RCHY1: variants seen among roughly 807,000 people sequenced by gnomAD.
The protein encoded by RCHY1 is RING finger and CHY zinc finger domain-containing protein 1.
Under a neutral mutation model 41.6 loss-of-function variants are expected in RCHY1, and 21 were observed. That is an observed-to-expected ratio of 0.51 (90% CI 0.36 to 0.73). The LOEUF (loss-of-function observed/expected upper bound fraction) is 0.73, where lower values mean the gene tolerates loss of function less well. RCHY1 is among the 30% of genes least tolerant of loss of function. The probability of loss-of-function intolerance (pLI) is 0.00; values close to 1 mark genes in which losing one functional copy is unlikely to be tolerated. For synonymous variants in RCHY1, 79 were observed against 102.9 expected (o/e 0.77, Z 1.41); for missense variants, 265 against 325.3 (o/e 0.81, Z 1.43).
At chr4:75,514,536 T>C, upstream of RCHY1, 2 of 412,102 alleles carry the variant, frequency 4.9e-6, no homozygotes, top group Non-Finnish European at 8.8e-6. Context: ...AACTCTTAGG[T>C]TGCCTGTTTT....
intron 8 of RCHY1, among the ~76,000 whole-genome samples, chr4:75,487,771 T>TA (rs1277928840): frequency 3.9e-4 from 28 of 72,454 alleles, no homozygotes; most frequent in African/African-American, 2.0e-3. Context: ...TATATATTCA[T>TA]ATATATATTC....
At chr4:75,501,481 A>G (rs114950888) in intron 3 of RCHY1, among the ~76,000 whole-genome samples, 78 of 152,340 alleles carry the variant, frequency 5.1e-4, no homozygotes, top group African/African-American at 1.8e-3. Flanking sequence ...TCAGTATGCC[A>G]TATGCACTCA....
At position 75,491,766 on chromosome 4, in the gene RCHY1, C is replaced by A. The variant is rs1280152184; in HGVS notation, c.467G>T (p.Arg156Leu). 1.2e-6 allele frequency: 2 copies of A among 1,612,774 alleles called. No individual in the cohort carries two copies. The highest frequency in any genetic ancestry group is 2.2e-5 in the East Asian group (1 of 44,814). ...ACATGGCAAGACATGAGCAACAACA[C>A]GGGATGTGTGAATGTCCTGTAAATG... ...PICLEDIHTS[R>L]VVAHVLPCGH... The change falls in exon 6 of 9, where the codon CGT becomes CTT. Residue 156 changes from arginine to leucine, a missense_variant. Coordinates refer to ENST00000324439, the MANE Select transcript of RCHY1 (RefSeq NM_015436.4).
intron 8 of RCHY1, among the ~76,000 whole-genome samples, chr4:75,486,496 C>G (rs1387969365): frequency 6.6e-6 from 1 of 151,548 alleles, no homozygotes; most frequent in Non-Finnish European, 1.5e-5. Context: ...AAACATCCTT[C>G]CAAAAAATTA....
intron 8 of RCHY1, among the ~76,000 whole-genome samples, chr4:75,484,183 C>T (rs903577531): frequency 2.0e-5 from 3 of 152,114 alleles, no homozygotes; most frequent in African/African-American, 4.8e-5. Context: ...TTTCAGTGAC[C>T]GCCAGGAGCA....
At chr4:75,485,296 G>T (rs1199799092) in intron 8 of RCHY1, among the ~76,000 whole-genome samples, 1 of 152,148 alleles carries the variant, frequency 6.6e-6, no homozygotes, top group Non-Finnish European at 1.5e-5. Context: ...AGTAATTTTA[G>T]CTAAGAAACA....
At chr4:75,507,401 G>C (rs889422954) in intron 3 of RCHY1, among the ~76,000 whole-genome samples, 2 of 151,788 alleles carry the variant, frequency 1.3e-5, no homozygotes, top group African/African-American at 4.8e-5. Flanking sequence ...AAATAGGAAA[G>C]CAACAGATTA....
In RCHY1 at chr4:75,509,308, G is replaced by A. The variant is rs757394394; in HGVS notation, c.91-12C>T. On this transcript the variant is annotated splice_polypyrimidine_tract_variant and intron_variant, in intron 1 of 8. Transcript: ENST00000324439. Reference sequence around the variant, plus strand: ...TCACAGCAAGGTGCCTAACACCCACGGAGAAAAAAGAGATATAGTAAGAAG... The same window carrying A: ...TCACAGCAAGGTGCCTAACACCCACAGAGAAAAAAGAGATATAGTAAGAAG... The A allele has an allele frequency of 5.6e-5, 89 of 1,600,728 alleles. 1 individual carries two copies. Among genetic ancestry groups the A allele is most frequent in the Middle Eastern group, 3.3e-4 (2 of 5,996 alleles).
chr4:75,498,724 A>G (rs966286319), intron 3 of RCHY1, among the ~76,000 whole-genome samples: 10 of 152,156 alleles, frequency 6.6e-5, no homozygotes, highest in Non-Finnish European at 1.2e-4. Flanking sequence ...GCAGAAAAAA[A>G]CAGGATACCA....
intron 1 of RCHY1, among the ~76,000 whole-genome samples, chr4:75,513,738 C>T (rs879624946): frequency 6.6e-6 from 1 of 152,166 alleles, no homozygotes; most frequent in Non-Finnish European, 1.5e-5. Flanking sequence ...TTTTCTCCTA[C>T]GTCTGAACAT....
At chr4:75,498,927 AAAAC>A (rs1375303727) in intron 3 of RCHY1, among the ~76,000 whole-genome samples, 4 of 152,150 alleles carry the variant, frequency 2.6e-5, no homozygotes, top group Admixed American at 1.3e-4. Flanking sequence ...AACTGAAACA[AAAAC>A]AGACGGAATT....
At chr4:75,487,261 A>C (rs1206026123) in intron 8 of RCHY1, among the ~76,000 whole-genome samples, 1 of 102,130 alleles carries the variant, frequency 9.8e-6, no homozygotes, top group Admixed American at 1.0e-4. Context: ...AAGACAGTTA[A>C]ATATTTTTGT....
In RCHY1 at chr4:75,491,801, T is replaced by C; in HGVS notation, c.451-19A>G. The C allele has an allele frequency of 6.2e-7, 1 of 1,611,454 alleles. No homozygotes were observed. On this transcript the variant is annotated intron_variant, in intron 5 of 8. Transcript: ENST00000324439. ...GAATGTCCTGTAAATGAAATAAATGTTAGTGCTTGTATGAAGACAATATAA... is the reference window on the plus strand; with the variant it reads ...GAATGTCCTGTAAATGAAATAAATGCTAGTGCTTGTATGAAGACAATATAA...
At position 75,491,649 on chromosome 4, in the gene RCHY1, T is replaced by G. The variant is rs1722763146; in HGVS notation, c.510-12A>C. On this transcript the variant is annotated splice_polypyrimidine_tract_variant and intron_variant, in intron 6 of 8. Transcript: ENST00000324439. The stretch of plus-strand genomic sequence containing the variant: ...CTTCATAACACGTTCTGAAAGAAAA[T>G]ATAAGATTATTTTAGTAAAACAAAA... The G allele has an allele frequency of 1.2e-6, 2 of 1,600,322 alleles. No homozygotes were observed. The highest frequency in any genetic ancestry group is 2.7e-5 in the African/African-American group (2 of 74,428).
At chr4:75,484,714 T>A (rs528416410) in intron 8 of RCHY1, among the ~76,000 whole-genome samples, 8 of 152,136 alleles carry the variant, frequency 5.3e-5, no homozygotes, top group Non-Finnish European at 1.2e-4. Flanking sequence ...GCAGCACTTT[T>A]TAAACATTTT....
intron 1 of RCHY1, among the ~76,000 whole-genome samples, chr4:75,511,214 T>TTAGAATGTTC (rs1724836710): frequency 6.6e-6 from 1 of 152,228 alleles, no homozygotes; most frequent in Non-Finnish European, 1.5e-5. Context: ...GTTCACACAT[T>TTAGAATGTTC]TAACATGCAA....
chr4:75,509,387 G>A, intron 1 of RCHY1, 91 bp from the exon 2 acceptor site: 5 of 1,200,074 alleles, frequency 4.2e-6, no homozygotes, highest in Non-Finnish European at 5.9e-6. Flanking sequence ...CCTCCTCCTG[G>A]ATGGAACTGA....
chr4:75,488,903 C>G (rs532161457), intron 8 of RCHY1, among the ~76,000 whole-genome samples: 1 of 151,960 alleles, frequency 6.6e-6, no homozygotes, highest in Admixed American at 6.6e-5. Flanking sequence ...GGCGAAACAC[C>G]GACTCTACTA....
At chr4:75,509,400 G>A in intron 1 of RCHY1, 104 bp from the exon 2 acceptor site, 1 of 1,012,462 alleles carries the variant, frequency 9.9e-7, no homozygotes, top group South Asian at 1.7e-5. Context: ...GGAACTGAAA[G>A]ATTACAACCA....
Sources: gnomAD v4.1 joint callset for allele counts (sites outside exome capture counted in the v4.1 genomes callset) on GRCh38, gnomAD v4.1.1 for gene constraint, MANE v1.5 for transcripts, NCBI Gene and HGNC (gene_info 2026-07-23, HGNC 2026-07-21) for gene names.